TRABD2B: variants seen among roughly 807,000 people sequenced by gnomAD.
TRABD2B encodes the protein metalloprotease TIKI2.
A neutral mutation model predicts 40.1 loss-of-function variants in TRABD2B; 14 were observed. That is an observed-to-expected ratio of 0.35 (90% CI 0.23 to 0.55). The LOEUF is 0.55. Ranked by LOEUF, TRABD2B falls within the 20% of genes least tolerant of loss-of-function variation. TRABD2B has a pLI of 0.90. For missense variants in TRABD2B, 541 were observed against 648.6 expected, an observed-to-expected ratio of 0.83 and a Z score of 1.80; for synonymous variants, 263 against 277.0, an observed-to-expected ratio of 0.95 and a Z score of 0.50.
Position 47,764,251 on chromosome 1 carries a change from C to G in TRABD2B, c.*1651G>C, listed in dbSNP as rs1197511752. ...TCAGCAGGCCCACCCGGCTGTGCAG[C>G]CTTGGAGAAGTGTCTCCTCTCTGTG... On this transcript the variant is annotated 3_prime_UTR_variant, in exon 7 of 7. Transcript: ENST00000606738. The G allele has an allele frequency of 6.6e-6, 1 of 152,232 alleles. No individual in the cohort carries two copies. Among genetic ancestry groups the G allele is most frequent in the Non-Finnish European group, 1.5e-5 (1 of 68,044 alleles). 9.4% of individuals were successfully genotyped at this position (152,232 alleles called of 1,614,324 possible). A position where few individuals can be genotyped will look rare whatever the true frequency, so the allele number is the denominator to read the frequency against.
intron 2 of TRABD2B, among the ~76,000 whole-genome samples, chr1:47,866,799 C>G (rs1644064678): frequency 6.6e-6 from 1 of 152,200 alleles, no homozygotes; most frequent in South Asian, 2.1e-4. Flanking sequence ...CTGTCCAAGC[C>G]TGTTATTCCC....
chr1:47,891,822 A>AC (rs1325220877), intron 2 of TRABD2B, among the ~76,000 whole-genome samples: 3 of 152,136 alleles, frequency 2.0e-5, no homozygotes, highest in East Asian at 3.9e-4. Context: ...AAACAAAACA[A>AC]AACAACAACA....
At chr1:47,883,853 A>G (rs539856915) in intron 2 of TRABD2B, among the ~76,000 whole-genome samples, 1 of 152,306 alleles carries the variant, frequency 6.6e-6, no homozygotes, top group East Asian at 1.9e-4. Flanking sequence ...AAAGTAAAAA[A>G]TGTGCTCAAA....
chr1:47,988,888 C>T (rs558675455), intron 2 of TRABD2B, among the ~76,000 whole-genome samples: 65 of 152,298 alleles, frequency 4.3e-4, no homozygotes, highest in Admixed American at 7.2e-4. Flanking sequence ...ATACGACCTG[C>T]CTATGCTGTG....
chr1:47,865,775 C>A (rs1377058932), intron 2 of TRABD2B, among the ~76,000 whole-genome samples: 2 of 152,114 alleles, frequency 1.3e-5, no homozygotes, highest in African/African-American at 2.4e-5. Flanking sequence ...ATAATTCACA[C>A]CAGACTACGG....
At chr1:47,778,841 T>TA (rs549980453) in intron 4 of TRABD2B, among the ~76,000 whole-genome samples, 40 of 152,274 alleles carry the variant, frequency 2.6e-4, no homozygotes, top group Non-Finnish European at 4.9e-4. Flanking sequence ...GTGAGGATTA[T>TA]AAAAAACAGC....
intron 2 of TRABD2B, among the ~76,000 whole-genome samples, chr1:47,949,433 G>T (rs1645309230): frequency 7.3e-6 from 1 of 136,160 alleles, no homozygotes. Flanking sequence ...TTTGAGACAG[G>T]GTCTCACTCT....
chr1:47,857,570 G>A (rs1346560105), intron 2 of TRABD2B, among the ~76,000 whole-genome samples: 1 of 152,132 alleles, frequency 6.6e-6, no homozygotes, highest in East Asian at 1.9e-4. Flanking sequence ...TGCTGTGCCC[G>A]AGGTCTGTCT....
intron 2 of TRABD2B, among the ~76,000 whole-genome samples, chr1:47,820,782 C>CCACACA (rs56348753): frequency 0.021 from 3,031 of 147,188 alleles, 94 homozygotes; most frequent in East Asian, 0.14. Flanking sequence ...TTCACACACA[C>CCACACA]CACACACACA....
chr1:47,981,675 T>C (rs1645842848), intron 2 of TRABD2B, among the ~76,000 whole-genome samples: 1 of 152,192 alleles, frequency 6.6e-6, no homozygotes, highest in Non-Finnish European at 1.5e-5. Context: ...CAGCAGTGCT[T>C]TTCAAAGAAA....
intron 2 of TRABD2B, among the ~76,000 whole-genome samples, chr1:47,941,940 T>C (rs941495691): frequency 2.6e-5 from 4 of 152,258 alleles, no homozygotes; most frequent in African/African-American, 4.8e-5. Flanking sequence ...GCCTGGGCTA[T>C]TATAAGTGCC....
chr1:47,967,246 C>T (rs1162921898), intron 2 of TRABD2B, among the ~76,000 whole-genome samples: 1 of 152,058 alleles, frequency 6.6e-6, no homozygotes, highest in African/African-American at 2.4e-5. Flanking sequence ...ACATTAGATC[C>T]TGGTGCTTAG....
At chr1:47,883,327 T>C (rs1253502876) in intron 2 of TRABD2B, among the ~76,000 whole-genome samples, 2 of 152,202 alleles carry the variant, frequency 1.3e-5, no homozygotes, top group African/African-American at 4.8e-5. Flanking sequence ...AAAATGCTGG[T>C]ATTTGAGTTC....
At chr1:47,799,381 C>T (rs1277352290) in intron 3 of TRABD2B, among the ~76,000 whole-genome samples, 1 of 152,190 alleles carries the variant, frequency 6.6e-6, no homozygotes, top group Non-Finnish European at 1.5e-5. Context: ...CTAGGAGCCT[C>T]GTGGTGTCAG....
chr1:47,949,401 C>CTTTTTTTTTTTTTTTTTTTT (rs35027686), intron 2 of TRABD2B, among the ~76,000 whole-genome samples: 1 of 80,280 alleles, frequency 1.2e-5, no homozygotes, highest in African/African-American at 4.7e-5. Context: ...TCTTTTCTTT[C>CTTTTTTTTTTTTTTTTTTTT]TTTTTTTTTT....
chr1:47,948,004 C>T (rs566325725), intron 2 of TRABD2B, among the ~76,000 whole-genome samples: 3 of 152,118 alleles, frequency 2.0e-5, no homozygotes, highest in Non-Finnish European at 4.4e-5. Context: ...CAGATAAGTA[C>T]CCCAAAAGGC....
intron 1 of TRABD2B, among the ~76,000 whole-genome samples, chr1:47,995,992 T>C (rs969360035): frequency 6.6e-6 from 1 of 152,312 alleles, no homozygotes; most frequent in African/African-American, 2.4e-5. Context: ...GGAAAGATAC[T>C]GAAGGAAATA....
chr1:47,881,513 G>A (rs776838778), intron 2 of TRABD2B, among the ~76,000 whole-genome samples: 3 of 152,130 alleles, frequency 2.0e-5, no homozygotes, highest in African/African-American at 4.8e-5. Context: ...TATTGTTACC[G>A]CACTTTACAG....
Position 47,996,613 on chromosome 1 carries a change from A to G in TRABD2B, c.102+75T>C. On this transcript the variant is annotated intron_variant, in intron 1 of 6. Coordinates refer to ENST00000606738, the MANE Select transcript of TRABD2B (RefSeq NM_001194986.2). This position sits in a 1 kb window ranked among gnomAD's most constrained non-coding sequence, Gnocchi z 4.6. ...GGCGGGCTAAGGTGGGTGCGGAAGCAGGACCCAAACCATGGTCCCACGGGA... is the reference window on the plus strand; with the variant it reads ...GGCGGGCTAAGGTGGGTGCGGAAGCGGGACCCAAACCATGGTCCCACGGGA... 1 of 1,202,986 alleles carries G rather than the reference A, an allele frequency of 8.3e-7. No homozygotes were observed. The highest frequency in any genetic ancestry group is 1.6e-5 in the African/African-American group (1 of 63,328). The allele number at this position is 1,202,986 out of a possible 1,614,324, so 74.5% of individuals were successfully genotyped here.
Sources: gnomAD v4.1 joint callset for allele counts (sites outside exome capture counted in the v4.1 genomes callset) on GRCh38, gnomAD v4.1.1 for gene constraint, Gnocchi (gnomAD v3.1) non-coding constraint, MANE v1.5 for transcripts, NCBI Gene and HGNC (gene_info 2026-07-23, HGNC 2026-07-21) for gene names.